CTNND2: variants seen among roughly 807,000 people sequenced by gnomAD.
The protein encoded by CTNND2 is catenin delta-2.
CTNND2 carries 22 observed loss-of-function variants against 144.4 expected under a neutral mutation model. The ratio of observed to expected loss-of-function variants is 0.15; its 90% CI spans 0.11 to 0.22. The LOEUF (loss-of-function observed/expected upper bound fraction) is 0.22, where lower values mean the gene tolerates loss of function less well. Ranked by LOEUF, CTNND2 falls within the 10% of genes least tolerant of loss-of-function variation. The probability of loss-of-function intolerance (pLI) is 1.00; values close to 1 mark genes in which losing one functional copy is unlikely to be tolerated. For missense variants in CTNND2, 1,353 were observed against 1,618.8 expected, an observed-to-expected ratio of 0.84 and a Z score of 2.82; for synonymous variants, 751 against 695.6, an observed-to-expected ratio of 1.08 and a Z score of -1.25.
chr5:11,422,090 C>G (rs1762411023), intron 3 of CTNND2, among the ~76,000 whole-genome samples: 1 of 152,154 alleles, frequency 6.6e-6, no homozygotes, highest in African/African-American at 2.4e-5. Flanking sequence ...GAGAGTGCAG[C>G]TAATTCACAG....
chr5:11,536,049 A>ATTTTAT (rs1437841840), intron 3 of CTNND2, among the ~76,000 whole-genome samples: 1 of 152,078 alleles, frequency 6.6e-6, no homozygotes, highest in Non-Finnish European at 1.5e-5. Flanking sequence ...TAGCTCTTTT[A>ATTTTAT]TTTTATTTTT....
intron 8 of CTNND2, among the ~76,000 whole-genome samples, chr5:11,348,618 T>A (rs1676671180): frequency 6.6e-6 from 1 of 152,028 alleles, no homozygotes; most frequent in Non-Finnish European, 1.5e-5. Flanking sequence ...ATACAATGAT[T>A]AAAGTGTCAG....
chr5:11,001,513 A>G (rs1361230628), intron 18 of CTNND2, among the ~76,000 whole-genome samples: 1 of 150,342 alleles, frequency 6.7e-6, no homozygotes. Context: ...GCTGGAGTCA[A>G]TGATTTAAGA....
intron 9 of CTNND2, among the ~76,000 whole-genome samples, chr5:11,311,283 CTCACA>C (rs1561197921): frequency 3.3e-5 from 3 of 90,892 alleles, no homozygotes; most frequent in African/African-American, 7.3e-5. Flanking sequence ...GCACCCTCAC[CTCACA>C]TGCACATACA....
intron 3 of CTNND2, among the ~76,000 whole-genome samples, chr5:11,476,856 TTCC>T (rs1188962747): frequency 1.3e-5 from 2 of 152,240 alleles, no homozygotes; most frequent in Non-Finnish European, 2.9e-5. Flanking sequence ...GATTTTTCAC[TTCC>T]TATTTCCCTC....
intron 2 of CTNND2, among the ~76,000 whole-genome samples, chr5:11,690,721 C>T (rs563439066): frequency 1.7e-5 from 2 of 114,496 alleles, no homozygotes; most frequent in Non-Finnish European, 3.3e-5. Context: ...CTGGCCTGGG[C>T]GACAGAGCGA....
chr5:11,333,251 T>A (rs76271462), intron 9 of CTNND2, among the ~76,000 whole-genome samples: 3,703 of 152,220 alleles, frequency 0.024, 125 homozygotes, highest in African/African-American at 0.083. Flanking sequence ...GACTTTTTTC[T>A]TTTCTATTCT....
chr5:11,903,229 C>T lies in CTNND2; in HGVS notation c.37+588G>A. On this transcript the variant is annotated intron_variant, in intron 1 of 21. Transcript: ENST00000304623. This position sits in a 1 kb window ranked among gnomAD's most constrained non-coding sequence, Gnocchi z 5.4. ...CTGTCTATTGTCAGCACGCAGAAGC[C>T]CCCGAAACCTGTGAAGCCGGCTGCA... is the stretch of plus-strand genomic sequence containing the variant. 1.0e-6 allele frequency: 1 copy of T among 985,472 alleles called. No homozygotes were observed. Among genetic ancestry groups the T allele is most frequent in the Non-Finnish European group, 1.2e-6 (1 of 829,976 alleles). 61.0% of individuals were successfully genotyped at this position (985,472 alleles called of 1,614,324 possible). A position where few individuals can be genotyped will look rare whatever the true frequency, so the allele number is the denominator to read the frequency against.
At chr5:11,030,491 T>C (rs955484839) in intron 16 of CTNND2, among the ~76,000 whole-genome samples, 3 of 152,100 alleles carry the variant, frequency 2.0e-5, no homozygotes, top group African/African-American at 2.4e-5. Context: ...TCAACTTTGC[T>C]GATTCTTTCT....
intron 2 of CTNND2, among the ~76,000 whole-genome samples, chr5:11,620,588 T>C (rs890604049): frequency 1.3e-5 from 2 of 152,194 alleles, no homozygotes. Context: ...TGGAATATCA[T>C]GGGGTGCCCC....
chr5:11,299,751 A>C (rs551019978), intron 9 of CTNND2, among the ~76,000 whole-genome samples: 96 of 152,218 alleles, frequency 6.3e-4, no homozygotes, highest in African/African-American at 2.3e-3. Context: ...ACAAGTGCAA[A>C]ACCATAACAG....
At chr5:11,645,935 TA>T (rs1293363823) in intron 2 of CTNND2, among the ~76,000 whole-genome samples, 4 of 152,196 alleles carry the variant, frequency 2.6e-5, no homozygotes, top group African/African-American at 9.7e-5. Flanking sequence ...TTATTTTTTT[TA>T]AATTTAAAAT....
intron 1 of CTNND2, among the ~76,000 whole-genome samples, chr5:11,803,772 C>T (rs1192326696): frequency 6.6e-6 from 1 of 152,172 alleles, no homozygotes; most frequent in Non-Finnish European, 1.5e-5. Context: ...AATTTTATAT[C>T]ACTCGTCTTA....
intron 9 of CTNND2, among the ~76,000 whole-genome samples, chr5:11,289,113 A>G (rs998682941): frequency 6.6e-6 from 1 of 152,134 alleles, no homozygotes; most frequent in Non-Finnish European, 1.5e-5. Flanking sequence ...CCAGGCCACT[A>G]TCTGCACACC....
chr5:11,149,353 A>G (rs1267051510), intron 12 of CTNND2, among the ~76,000 whole-genome samples: 1 of 152,232 alleles, frequency 6.6e-6, no homozygotes, highest in Non-Finnish European at 1.5e-5. Flanking sequence ...GGCAGGCAAC[A>G]TGTAACCCCG....
chr5:11,765,309 G>A (rs1253937251), intron 1 of CTNND2, among the ~76,000 whole-genome samples: 5 of 152,176 alleles, frequency 3.3e-5, no homozygotes, highest in Admixed American at 6.5e-5. Context: ...AGCAGAAGCC[G>A]CTCAGGGGGA....
At chr5:11,289,199 T>G (rs1748059141) in intron 9 of CTNND2, among the ~76,000 whole-genome samples, 1 of 152,196 alleles carries the variant, frequency 6.6e-6, no homozygotes, top group South Asian at 2.1e-4. Context: ...GTGCCTGTTT[T>G]CTCTTCCCAG....
At chr5:11,705,778 T>G (rs1222639787) in intron 2 of CTNND2, among the ~76,000 whole-genome samples, 1 of 152,168 alleles carries the variant, frequency 6.6e-6, no homozygotes, top group Non-Finnish European at 1.5e-5. Flanking sequence ...TGTCCACACT[T>G]TTATGCAGTC....
At chr5:11,713,447 C>T (rs1451084632) in intron 2 of CTNND2, among the ~76,000 whole-genome samples, 1 of 151,852 alleles carries the variant, frequency 6.6e-6, no homozygotes, top group Non-Finnish European at 1.5e-5. Flanking sequence ...GGCATGGTGG[C>T]ATGCACCTAT....
Sources: gnomAD v4.1 joint callset for allele counts (sites outside exome capture counted in the v4.1 genomes callset) on GRCh38, gnomAD v4.1.1 for gene constraint, Gnocchi (gnomAD v3.1) non-coding constraint, MANE v1.5 for transcripts, NCBI Gene and HGNC (gene_info 2026-07-23, HGNC 2026-07-21) for gene names.